ST6GALNAC3: variants seen among roughly 807,000 people sequenced by gnomAD.
ST6GALNAC3 encodes ST6 N-acetylgalactosaminide alpha-2,6-sialyltransferase 3, also known as alpha-N-acetylgalactosaminide alpha-2,6-sialyltransferase 3.
A neutral mutation model predicts 32.7 loss-of-function variants in ST6GALNAC3; 25 were observed. The observed-to-expected ratio is 0.76, with a 90% confidence interval of 0.56 to 1.07. The LOEUF is 1.07. Among genes scored for constraint, ST6GALNAC3 ranks in the 50% least tolerant of loss-of-function variants. ST6GALNAC3 has a pLI of 0.00. For synonymous variants in ST6GALNAC3, 129 were observed against 133.1 expected (o/e 0.97, Z 0.21); for missense variants, 355 against 382.4 (o/e 0.93, Z 0.60).
In ST6GALNAC3 at chr1:76,411,963, A is replaced by C. The variant is rs752269060; in HGVS notation, c.214-45A>C. On this transcript the variant is annotated intron_variant, in intron 2 of 4. Coordinates refer to ENST00000328299, the MANE Select transcript of ST6GALNAC3 (RefSeq NM_152996.4). ...TTTTCCCATAGGAACTTGTTTGACT[A>C]AGTGGAATTTACTAATTTACATGCC... 10 of 1,577,838 alleles carry C rather than the reference A, an allele frequency of 6.3e-6. No homozygotes were observed. In the East Asian group the frequency reaches 2.2e-4, roughly 35 times the overall value.
rs1433607625 is a variant in ST6GALNAC3, at chr1:76,343,712, A to G, written c.213+29713A>G. 2.0e-5 allele frequency among the ~76,000 whole-genome samples: 3 copies of G among 152,242 alleles called. No homozygotes were observed. In the East Asian group the frequency reaches 5.8e-4, roughly 29 times the overall value. ...AAAACCCTACAGAGTACAAAGGTAA[A>G]GTGAAGACAAAACAAGTCCTTCTAG... On this transcript the variant is annotated intron_variant, in intron 2 of 4. Coordinates refer to ENST00000328299, the MANE Select transcript of ST6GALNAC3 (RefSeq NM_152996.4).
chr1:76,572,110 A>AT (rs1329292431), intron 3 of ST6GALNAC3, among the ~76,000 whole-genome samples: 34 of 145,906 alleles, frequency 2.3e-4, no homozygotes, highest in Admixed American at 1.9e-3. Flanking sequence ...TGTTGCTATC[A>AT]TTCCTTTTTT....
At chr1:76,573,400 A>T (rs1646743317) in intron 3 of ST6GALNAC3, among the ~76,000 whole-genome samples, 1 of 151,962 alleles carries the variant, frequency 6.6e-6, no homozygotes, top group Non-Finnish European at 1.5e-5. Context: ...CAACACCCAG[A>T]GTGGTGTTCT....
chr1:76,126,561 T>C (rs898543345), intron 1 of ST6GALNAC3, among the ~76,000 whole-genome samples: 3 of 152,282 alleles, frequency 2.0e-5, no homozygotes, highest in Middle Eastern at 3.4e-3. Flanking sequence ...AGTGAACATC[T>C]TCCTTAGTGA....
At chr1:76,366,021 T>G (rs548999850) in intron 2 of ST6GALNAC3, among the ~76,000 whole-genome samples, 12 of 152,316 alleles carry the variant, frequency 7.9e-5, no homozygotes, top group African/African-American at 2.6e-4. Flanking sequence ...CCTTGCTACT[T>G]CAGACTGAGT....
rs896365440 is a variant in ST6GALNAC3, at chr1:76,629,018, A to G, written c.*212A>G. Reference sequence around the variant, plus strand: ...GTTGTGCTCATGATGTTCTTTCTGGAGGTTCAACACTACGTACCGCACTTT... The same window carrying G: ...GTTGTGCTCATGATGTTCTTTCTGGGGGTTCAACACTACGTACCGCACTTT... On this transcript the variant is annotated 3_prime_UTR_variant, in exon 5 of 5. Coordinates refer to ENST00000328299, the MANE Select transcript of ST6GALNAC3 (RefSeq NM_152996.4). 1.5e-4 allele frequency: 211 copies of G among 1,370,870 alleles called. No homozygotes were observed. Among genetic ancestry groups the G allele is most frequent in the Admixed American group, 4.2e-4 (12 of 28,492 alleles). The allele number at this position is 1,370,870 out of a possible 1,614,324, so 84.9% of individuals were successfully genotyped here.
At chr1:76,165,645 A>G (rs1287656571) in intron 1 of ST6GALNAC3, among the ~76,000 whole-genome samples, 1 of 152,160 alleles carries the variant, frequency 6.6e-6, no homozygotes, top group African/African-American at 2.4e-5. Context: ...ACAGTGTATA[A>G]CCATTCCTTT....
chr1:76,119,624 A>G (rs1265343002), intron 1 of ST6GALNAC3, among the ~76,000 whole-genome samples: 3 of 152,238 alleles, frequency 2.0e-5, no homozygotes, highest in South Asian at 2.1e-4. Flanking sequence ...TATTTACTCT[A>G]TCATACTGGA....
At chr1:76,574,503 G>A (rs436806) in intron 3 of ST6GALNAC3, among the ~76,000 whole-genome samples, 14,113 of 146,832 alleles carry the variant, frequency 0.096, 1,291 homozygotes, top group East Asian at 0.25. Flanking sequence ...GCCTCTTTTT[G>A]AAATCTTCAG....
chr1:76,550,976 T>C (rs983257986), intron 3 of ST6GALNAC3, among the ~76,000 whole-genome samples: 2 of 152,128 alleles, frequency 1.3e-5, no homozygotes, highest in African/African-American at 4.8e-5. Flanking sequence ...GCCAGTCTGG[T>C]CTTGAACTCC....
At chr1:76,155,087 G>A (rs1033902351) in intron 1 of ST6GALNAC3, among the ~76,000 whole-genome samples, 4 of 152,002 alleles carry the variant, frequency 2.6e-5, no homozygotes, top group African/African-American at 9.7e-5. Flanking sequence ...TTATTTGTGG[G>A]AATCGGGGAG....
chr1:76,533,705 C>T (rs938072232), intron 3 of ST6GALNAC3, among the ~76,000 whole-genome samples: 3 of 152,086 alleles, frequency 2.0e-5, no homozygotes, highest in African/African-American at 2.4e-5. Flanking sequence ...GAATATGGTC[C>T]GTACATCCTG....
intron 3 of ST6GALNAC3, among the ~76,000 whole-genome samples, chr1:76,537,595 G>A (rs1663697715): frequency 1.3e-5 from 2 of 151,762 alleles, no homozygotes; most frequent in South Asian, 4.2e-4. Flanking sequence ...AAAGAGAGAA[G>A]AATCAAATAA....
rs956823174 is a variant in ST6GALNAC3 at position 76,417,497 on chromosome 1, A to G, written c.623+5080A>G. On this transcript the variant is annotated intron_variant, in intron 3 of 4. Coordinates refer to ENST00000328299, the MANE Select transcript of ST6GALNAC3 (RefSeq NM_152996.4). ...GACTGAAATATGATGGAAATGCTGT[A>G]GGGCTGATAGTGGCACATTGTGCCA... 2.6e-5 allele frequency among the ~76,000 whole-genome samples: 4 copies of G among 152,142 alleles called. No homozygotes were observed. In the East Asian group the frequency reaches 7.7e-4, roughly 29 times the overall value.
chr1:76,100,488 A>T (rs1411490251), intron 1 of ST6GALNAC3, among the ~76,000 whole-genome samples: 1 of 152,196 alleles, frequency 6.6e-6, no homozygotes, highest in African/African-American at 2.4e-5. Context: ...TGTAATGAAT[A>T]TTTGTAAAAT....
chr1:76,254,809 A>C (rs1296856594), intron 1 of ST6GALNAC3, among the ~76,000 whole-genome samples: 1 of 152,194 alleles, frequency 6.6e-6, no homozygotes, highest in Non-Finnish European at 1.5e-5. Context: ...ATCCGTTCGC[A>C]TCCCATCTGT....
At chr1:76,601,169 G>T (rs1037183029) in intron 3 of ST6GALNAC3, among the ~76,000 whole-genome samples, 1 of 152,108 alleles carries the variant, frequency 6.6e-6, no homozygotes, top group Non-Finnish European at 1.5e-5. Context: ...CTGCACTCCA[G>T]TCAGGGCTAT....
intron 3 of ST6GALNAC3, among the ~76,000 whole-genome samples, chr1:76,608,597 ATGTGTGTGTGTGTGTGTGTGTGTGTGTG>A (rs60960904): frequency 7.4e-6 from 1 of 135,160 alleles, no homozygotes; most frequent in Non-Finnish European, 1.6e-5. Context: ...TGAGCTGGAA[ATGTGTGTGTGTGTGTGTGTGTGTGTGTG>A]TGTGTGTGTG....
At chr1:76,562,356 C>G (rs1001084787) in intron 3 of ST6GALNAC3, among the ~76,000 whole-genome samples, 10 of 152,098 alleles carry the variant, frequency 6.6e-5, no homozygotes, top group African/African-American at 2.4e-4. Flanking sequence ...AGGATATAAG[C>G]AAAGACCATG....
Sources: allele counts gnomAD v4.1 joint callset (sites outside exome capture counted in the v4.1 genomes callset), GRCh38; gene constraint gnomAD v4.1.1; transcripts MANE v1.5; gene names NCBI Gene and HGNC (gene_info 2026-07-23, HGNC 2026-07-21).